Variants in RAPGEF1 observed in about 807,000 individuals in gnomAD.
The protein encoded by RAPGEF1 is CRK SH3-binding GNRP.
In RAPGEF1, 33 loss-of-function variants were observed where a neutral mutation model predicts 143.3. The ratio of observed to expected loss-of-function variants is 0.23; its 90% CI spans 0.17 to 0.31. The LOEUF (loss-of-function observed/expected upper bound fraction) is 0.31. Among genes scored for constraint, RAPGEF1 ranks in the 10% least tolerant of loss-of-function variants. RAPGEF1 has a pLI of 1.00. For missense variants in RAPGEF1, 1,199 were observed against 1,645.4 expected, an observed-to-expected ratio of 0.73 and a Z score of 4.69; for synonymous variants, 629 against 676.5, an observed-to-expected ratio of 0.93 and a Z score of 1.09.
intron 12 of RAPGEF1, among the ~76,000 whole-genome samples, chr9:131,615,454 C>T (rs189223702): frequency 1.3e-5 from 2 of 152,330 alleles, no homozygotes; most frequent in Admixed American, 6.5e-5. Flanking sequence ...AGAGATTCTG[C>T]ATCTCTCGGT....
chr9:131,709,875 T>C (rs1835384296), intron 1 of RAPGEF1: 1 of 985,230 alleles, frequency 1.0e-6, no homozygotes, highest in Non-Finnish European at 1.2e-6. Context: ...CCTTTCAAAA[T>C]CCCTTTGGCC....
At chr9:131,713,653 A>C (rs555296889) in intron 1 of RAPGEF1, among the ~76,000 whole-genome samples, 1 of 152,178 alleles carries the variant, frequency 6.6e-6, no homozygotes, top group African/African-American at 2.4e-5. Context: ...TAAAGGTTAA[A>C]TAAGAATTCA....
In RAPGEF1 at chr9:131,621,319, T is replaced by C. The variant is rs1467537291; in HGVS notation, c.1905+477A>G. Among the ~76,000 whole-genome samples the C allele has an allele frequency of 9.2e-5, 14 of 152,208 alleles. 1 individual carries two copies. The highest frequency in any genetic ancestry group is 7.9e-4 in the Admixed American group (12 of 15,278). Reference sequence around the variant, plus strand: ...TCCTCCACTTCAATGGCACTTGTTTTCCTTGGGCCCTCCCCGGCCAAGGCT... The same window carrying C: ...TCCTCCACTTCAATGGCACTTGTTTCCCTTGGGCCCTCCCCGGCCAAGGCT... On this transcript the variant is annotated intron_variant, in intron 11 of 26. Transcript: ENST00000683357. This position sits in a 1 kb window ranked among gnomAD's most constrained non-coding sequence, Gnocchi z 4.5.
At position 131,604,852 on chromosome 9, in the gene RAPGEF1, G is replaced by A. The variant is rs577858826; in HGVS notation, c.2319+79C>T. ...CAGTGTCTTTCAGGAACGTGAAACC[G>A]CTTTTTAAAAAACGTGCAGCCCCAT... On this transcript the variant is annotated intron_variant, in intron 13 of 26. Transcript: ENST00000683357. 1.9e-3 allele frequency: 2,373 copies of A among 1,217,138 alleles called. 5 individuals are homozygous for A. Among genetic ancestry groups the A allele is most frequent in the Non-Finnish European group, 2.3e-3 (2,212 of 943,330 alleles). 75.4% of individuals were successfully genotyped at this position (1,217,138 alleles called of 1,614,324 possible). A position where few individuals can be genotyped will look rare whatever the true frequency, so the allele number is the denominator to read the frequency against.
chr9:131,592,246 G>C (rs78837410), intron 17 of RAPGEF1, 63 bp from the exon 18 acceptor site: 51,616 of 1,361,576 alleles, frequency 0.038, 1,313 homozygotes, highest in Non-Finnish European at 0.04. Flanking sequence ...GTGGTAGCCA[G>C]GGTGGATTTG....
intron 1 of RAPGEF1, among the ~76,000 whole-genome samples, chr9:131,722,772 G>A (rs994575636): frequency 2.0e-5 from 3 of 151,874 alleles, no homozygotes; most frequent in Non-Finnish European, 2.9e-5. Context: ...AGGCTGAGGC[G>A]GGAGGATTCC....
chr9:131,641,626 G>A lies in RAPGEF1; in HGVS notation c.494+1613C>T, dbSNP rs1052359197. Among the ~76,000 whole-genome samples, 2 of 152,236 alleles carry A rather than the reference G, an allele frequency of 1.3e-5. No individual in the cohort carries two copies. The highest frequency in any genetic ancestry group is 4.8e-5 in the African/African-American group (2 of 41,456). ...TATTCCAAGGCAGAGACTACCACAT[G>A]AGACTAGGTCCACAAAAACATGTTC... On this transcript the variant is annotated intron_variant, in intron 4 of 26. Transcript: ENST00000683357. This position sits in a 1 kb window ranked among gnomAD's most constrained non-coding sequence, Gnocchi z 4.6.
intron 25 of RAPGEF1, among the ~76,000 whole-genome samples, chr9:131,581,274 A>G (rs1335142243): frequency 2.0e-5 from 3 of 152,072 alleles, no homozygotes. Context: ...TGTACCTGTA[A>G]TCCCAGCTAC....
chr9:131,642,656 C>T (rs1302216129), intron 4 of RAPGEF1, among the ~76,000 whole-genome samples: 1 of 152,210 alleles, frequency 6.6e-6, no homozygotes, highest in Non-Finnish European at 1.5e-5. Context: ...AGGGTCCCTT[C>T]TCTCTCTCCC....
intron 13 of RAPGEF1, 137 bp from the exon 14 acceptor site, chr9:131,604,190 C>G: frequency 2.3e-6 from 1 of 427,572 alleles, no homozygotes; most frequent in Non-Finnish European, 4.4e-6. Context: ...CCACCTCTTG[C>G]CTCTGTGCTA....
intron 5 of RAPGEF1, among the ~76,000 whole-genome samples, chr9:131,631,178 T>A (rs1964741523): frequency 1.3e-5 from 2 of 151,826 alleles, no homozygotes; most frequent in Admixed American, 1.3e-4. Flanking sequence ...ACCTTCTTTT[T>A]AAAAACAGCT....
chr9:131,643,448 G>A, intron 3 of RAPGEF1, 31 bp from the exon 4 acceptor site: 1 of 1,583,294 alleles, frequency 6.3e-7, no homozygotes, highest in Non-Finnish European at 8.6e-7. Flanking sequence ...TAAGGAGGAG[G>A]AGAGAGATTA....
At chr9:131,652,108 C>A (rs1337387020) in intron 1 of RAPGEF1, among the ~76,000 whole-genome samples, 3 of 152,150 alleles carry the variant, frequency 2.0e-5, no homozygotes, top group Non-Finnish European at 4.4e-5. Context: ...CTAGGACACT[C>A]CTGTACACCA....
intron 1 of RAPGEF1, among the ~76,000 whole-genome samples, chr9:131,660,275 C>G (rs1475260296): frequency 6.6e-6 from 1 of 152,162 alleles, no homozygotes; most frequent in Non-Finnish European, 1.5e-5. Context: ...CCCAATTGTT[C>G]AGGAAGTCTA....
At chr9:131,589,838 C>G in intron 19 of RAPGEF1, 48 bp downstream of exon 19, 1 of 1,530,948 alleles carries the variant, frequency 6.5e-7, no homozygotes, top group Admixed American at 1.7e-5. Context: ...TGGAATGGAG[C>G]CTTTGCCTCC....
At position 131,650,132 on chromosome 9, in the gene RAPGEF1, C is replaced by T; in HGVS notation, c.312G>A (p.Gln104=). 1.9e-6 allele frequency: 3 copies of T among 1,609,662 alleles called. No individual in the cohort carries two copies. The part of the protein sequence containing the change: ...TSAVASRSQR[Q]KNLSWLEEKE... Reference sequence around the variant, plus strand: ...TTGTTCTTAATGTTACACTGACCTTCTGCCTTTGAGACCTGGAAGCCACAG... The same window carrying T: ...TTGTTCTTAATGTTACACTGACCTTTTGCCTTTGAGACCTGGAAGCCACAG... The change falls in exon 3 of 27, where the codon CAG becomes CAA. Residue 104 remains glutamine (Q), a synonymous_variant. Coordinates refer to ENST00000683357, the MANE Select transcript of RAPGEF1 (RefSeq NM_001377935.1). The surrounding 1 kb of genome is among the most constrained non-coding windows in gnomAD (Gnocchi z 4.7).
chr9:131,737,638 A>G, intron 1 of RAPGEF1: 4 of 1,404,764 alleles, frequency 2.8e-6, no homozygotes, highest in Non-Finnish European at 3.7e-6. Flanking sequence ...CGGTTTGGGC[A>G]GCTCATGGGA....
chr9:131,577,668 G>C lies in RAPGEF1; in HGVS notation c.*1829C>G, dbSNP rs1951357103. Reference sequence around the variant, plus strand: ...AGAGAGAGTCAAGGATTGAAATGAAGGGACTTCAAAAAGAAGGAACAAACT... The same window carrying C: ...AGAGAGAGTCAAGGATTGAAATGAACGGACTTCAAAAAGAAGGAACAAACT... On this transcript the variant is annotated 3_prime_UTR_variant, in exon 27 of 27. Coordinates refer to ENST00000683357, the MANE Select transcript of RAPGEF1 (RefSeq NM_001377935.1). The C allele has an allele frequency of 6.6e-6, 1 of 152,300 alleles. No individual in the cohort carries two copies. The highest frequency in any genetic ancestry group is 1.5e-5 in the Non-Finnish European group (1 of 68,136). The allele number at this position is 152,300 out of a possible 1,614,324, so 9.4% of individuals were successfully genotyped here. A position where few individuals can be genotyped will look rare whatever the true frequency, so the allele number is the denominator to read the frequency against.
At chr9:131,619,501 C>A (rs1036274685) in intron 11 of RAPGEF1, among the ~76,000 whole-genome samples, 1 of 152,174 alleles carries the variant, frequency 6.6e-6, no homozygotes, top group African/African-American at 2.4e-5. Context: ...ACTGGGCTGA[C>A]TCTGGGCTTG....
Sources: allele counts gnomAD v4.1 joint callset (sites outside exome capture counted in the v4.1 genomes callset), GRCh38; gene constraint gnomAD v4.1.1; non-coding constraint Gnocchi (gnomAD v3.1); transcripts MANE v1.5; gene names NCBI Gene and HGNC (gene_info 2026-07-23, HGNC 2026-07-21).